The following WNT7A variants were observed in gnomAD, a reference collection of about 807,000 sequenced individuals.
WNT7A encodes protein Wnt-7a.
WNT7A carries 16 observed loss-of-function variants against 28.2 expected under a neutral mutation model. The ratio of observed to expected loss-of-function variants is 0.57; its 90% CI spans 0.38 to 0.86. WNT7A has a LOEUF of 0.86. Among genes scored for constraint, WNT7A ranks in the 40% least tolerant of loss-of-function variants. WNT7A has a pLI of 0.00. For missense variants in WNT7A, 411 were observed against 489.7 expected, an observed-to-expected ratio of 0.84 and a Z score of 1.52; for synonymous variants, 190 against 195.9, an observed-to-expected ratio of 0.97 and a Z score of 0.25.
chr3:13,879,063 CTG>C (rs1695162848), intron 1 of WNT7A, among the ~76,000 whole-genome samples: 1 of 152,226 alleles, frequency 6.6e-6, no homozygotes, highest in Non-Finnish European at 1.5e-5. Context: ...TTGTCTCCCT[CTG>C]TGTCTCAGAC....
chr3:13,825,606 T>C (rs1266383957), intron 3 of WNT7A, among the ~76,000 whole-genome samples: 1 of 152,216 alleles, frequency 6.6e-6, no homozygotes, highest in Non-Finnish European at 1.5e-5. Context: ...TTCCAGCCCA[T>C]AGGAGTGGGT....
At chr3:13,840,499 T>A (rs1469102357) in intron 3 of WNT7A, among the ~76,000 whole-genome samples, 3 of 152,188 alleles carry the variant, frequency 2.0e-5, no homozygotes, top group Non-Finnish European at 2.9e-5. Flanking sequence ...TTTCAGCTGA[T>A]CTGGTGATCT....
chr3:13,821,964 C>A (rs1363146648), intron 3 of WNT7A, among the ~76,000 whole-genome samples: 1 of 152,198 alleles, frequency 6.6e-6, no homozygotes, highest in African/African-American at 2.4e-5. Context: ...GCAATGGATA[C>A]AATCAATGGC....
Position 13,879,729 on chromosome 3 carries a change from G to C in WNT7A, c.71+17C>G. 1 of 1,610,916 alleles carries C rather than the reference G, an allele frequency of 6.2e-7. No individual in the cohort carries two copies. The highest frequency in any genetic ancestry group is 8.5e-7 in the Non-Finnish European group (1 of 1,178,208). On this transcript the variant is annotated intron_variant, in intron 1 of 3. Transcript: ENST00000285018. ...CTTTGTCGAAACACGCGCGGAAAGG[G>C]CGCAGGCAGCCCTTACCCGATCCGG...
intron 3 of WNT7A, among the ~76,000 whole-genome samples, chr3:13,836,095 T>G (rs1694363097): frequency 6.6e-6 from 1 of 151,696 alleles, no homozygotes; most frequent in South Asian, 2.1e-4. Flanking sequence ...AAATTGATTG[T>G]GGTGACGGTT....
intron 2 of WNT7A, among the ~76,000 whole-genome samples, chr3:13,855,233 A>T (rs1694710524): frequency 6.6e-6 from 1 of 152,250 alleles, no homozygotes; most frequent in East Asian, 1.9e-4. Context: ...TGGGGCCAGA[A>T]GGCCTGAGTT....
At chr3:13,875,795 A>G (rs1295254099) in intron 1 of WNT7A, 1 of 156,282 alleles carries the variant, frequency 6.4e-6, no homozygotes, top group Non-Finnish European at 1.4e-5. Context: ...CATGTATCCC[A>G]CTCCGGGCAT....
chr3:13,839,378 T>C (rs918338794), intron 3 of WNT7A, among the ~76,000 whole-genome samples: 2 of 152,236 alleles, frequency 1.3e-5, no homozygotes, highest in Non-Finnish European at 2.9e-5. Flanking sequence ...TGGGAGCACA[T>C]GGCCTGAAGC....
At chr3:13,838,122 C>T (rs764029348) in intron 3 of WNT7A, among the ~76,000 whole-genome samples, 4 of 151,980 alleles carry the variant, frequency 2.6e-5, no homozygotes, top group African/African-American at 4.8e-5. Context: ...GCTGAGGGTG[C>T]GGTGGGGCCT....
In WNT7A at chr3:13,819,137, C is replaced by G; in HGVS notation, c.857G>C (p.Ser286Thr). ...NYCEEDPVTG[S>T]VGTQGRACNK... is the part of the protein sequence containing the mutation. ...GCAGGCGCGGCCCTGGGTGCCCACA[C>G]TGCCGGTCACCGGGTCCTCCTCGCA... is the stretch of plus-strand genomic sequence containing the variant. The change falls in exon 4 of 4, where the codon AGT (serine) becomes ACT (threonine). Residue 286 changes from serine (S) to threonine (T), a missense_variant. By Grantham distance (58) the Ser-to-Thr change is moderately conservative (BLOSUM62 1). Coordinates refer to ENST00000285018, the MANE Select transcript of WNT7A (RefSeq NM_004625.4). The G allele has an allele frequency of 6.2e-7, 1 of 1,614,212 alleles. No homozygotes were observed.
chr3:13,857,171 C>T (rs145540635), intron 2 of WNT7A, among the ~76,000 whole-genome samples: 1 of 152,142 alleles, frequency 6.6e-6, no homozygotes, highest in Non-Finnish European at 1.5e-5. Context: ...GTAAGATCTG[C>T]ATGCTGGACC....
chr3:13,841,440 A>G (rs1216152924), intron 3 of WNT7A, among the ~76,000 whole-genome samples: 1 of 152,238 alleles, frequency 6.6e-6, no homozygotes, highest in Non-Finnish European at 1.5e-5. Context: ...CTCTTTGCTT[A>G]TCAACTGTAT....
At chr3:13,871,578 C>G (rs1695026302) in intron 2 of WNT7A, among the ~76,000 whole-genome samples, 1 of 152,060 alleles carries the variant, frequency 6.6e-6, no homozygotes, top group East Asian at 1.9e-4. Flanking sequence ...ACCATCCCTC[C>G]TTCCTAGCTG....
At chr3:13,863,416 GTATATGTGTGTGTGTGTATGTGTA>G (rs1278234159) in intron 2 of WNT7A, among the ~76,000 whole-genome samples, 1 of 151,798 alleles carries the variant, frequency 6.6e-6, no homozygotes, top group East Asian at 1.9e-4. Flanking sequence ...GTGTGTATGT[GTATATGTGTGTGTGTGTATGTGTA>G]TATGTGTGTG....
chr3:13,868,828 G>A (rs201655103), intron 2 of WNT7A, among the ~76,000 whole-genome samples: 551 of 47,424 alleles, frequency 0.012, 27 homozygotes, highest in African/African-American at 0.027. Context: ...GAGAGAGAAA[G>A]AGAGAAAGAG....
chr3:13,864,322 C>A (rs1210299450), intron 2 of WNT7A, among the ~76,000 whole-genome samples: 1 of 152,154 alleles, frequency 6.6e-6, no homozygotes, highest in Non-Finnish European at 1.5e-5. Context: ...CCTGGTCCCA[C>A]CTCTTTCCCC....
intron 3 of WNT7A, among the ~76,000 whole-genome samples, chr3:13,827,848 C>T (rs1474718519): frequency 6.6e-6 from 1 of 152,190 alleles, no homozygotes; most frequent in Non-Finnish European, 1.5e-5. Context: ...CACTCTGAAG[C>T]ACTGGGCGCT....
chr3:13,832,310 C>T (rs1160799665), intron 3 of WNT7A, among the ~76,000 whole-genome samples: 1 of 150,828 alleles, frequency 6.6e-6, no homozygotes, highest in African/African-American at 2.4e-5. Context: ...CCTCTACAGG[C>T]TTCTCCTTCT....
intron 2 of WNT7A, among the ~76,000 whole-genome samples, chr3:13,857,470 C>T (rs1011456244): frequency 1.3e-5 from 2 of 152,256 alleles, no homozygotes; most frequent in South Asian, 2.1e-4. Flanking sequence ...CAGGTCCACA[C>T]CAGCCAGCGC....
Sources: allele counts gnomAD v4.1 joint callset (sites outside exome capture counted in the v4.1 genomes callset), GRCh38; gene constraint gnomAD v4.1.1; transcripts MANE v1.5; gene names NCBI Gene and HGNC (gene_info 2026-07-23, HGNC 2026-07-21).